The following RIN2 variants were observed in gnomAD, a reference collection of about 807,000 sequenced individuals.
RIN2 encodes RAB5 interacting protein 2.
Under a neutral mutation model 78.0 loss-of-function variants are expected in RIN2, and 36 were observed. The observed-to-expected ratio is 0.46, with a 90% confidence interval of 0.35 to 0.61. RIN2 has a LOEUF of 0.61. Ranked by LOEUF, RIN2 falls within the 20% of genes least tolerant of loss-of-function variation. The pLI, the probability that RIN2 is intolerant of heterozygous loss-of-function variation, is 0.00. For missense variants in RIN2, 1,087 were observed against 1,159.7 expected (o/e 0.94, Z 0.91); for synonymous variants, 466 against 466.8 (o/e 1.00, Z 0.02).
intron 1 of RIN2, among the ~76,000 whole-genome samples, chr20:19,789,453 G>A (rs1467850029): frequency 6.6e-6 from 1 of 152,044 alleles, no homozygotes; most frequent in Non-Finnish European, 1.5e-5. Context: ...CTTGTCTTTT[G>A]TTATGTGACA....
intron 1 of RIN2, among the ~76,000 whole-genome samples, chr20:19,791,320 A>G (rs908838258): frequency 6.6e-6 from 1 of 152,246 alleles, no homozygotes. Flanking sequence ...GAAAATGACT[A>G]AAATACAATT....
intron 6 of RIN2, among the ~76,000 whole-genome samples, chr20:19,962,495 A>C (rs1046836787): frequency 2.6e-5 from 4 of 152,158 alleles, no homozygotes; most frequent in Non-Finnish European, 5.9e-5. Flanking sequence ...CTTGTGGCCG[A>C]AGGTTTTTCC....
In RIN2 at chr20:19,931,853, A is replaced by T. The variant is rs367926673; in HGVS notation, c.58-3246A>T. 2.0e-5 allele frequency among the ~76,000 whole-genome samples: 3 copies of T among 152,210 alleles called. No individual in the cohort carries two copies. In the South Asian group the frequency reaches 6.2e-4, roughly 32 times the overall value. On this transcript the variant is annotated intron_variant, in intron 3 of 12. Transcript: ENST00000255006. ...AATTAATGTATCCATTCTCCTCTTA[A>T]TGAACCCTTAGGTGTTCTCACAAAT...
chr20:19,772,135 C>T (rs1600414480), intron 1 of RIN2, among the ~76,000 whole-genome samples: 1 of 152,224 alleles, frequency 6.6e-6, no homozygotes, highest in East Asian at 1.9e-4. Context: ...TGCTGGGTCA[C>T]CAGTTTCTCA....
chr20:19,883,358 T>C (rs1404954829), intron 2 of RIN2, among the ~76,000 whole-genome samples: 1 of 123,484 alleles, frequency 8.1e-6, no homozygotes, highest in African/African-American at 3.1e-5. Flanking sequence ...TTTTTTTTTT[T>C]AGACCTGGTC....
intron 1 of RIN2, among the ~76,000 whole-genome samples, chr20:19,764,930 T>TTTTTTTTTTTTA (rs2033817351): frequency 7.6e-6 from 1 of 131,944 alleles, no homozygotes; most frequent in Non-Finnish European, 1.6e-5. Flanking sequence ...TTTTTTTTTT[T>TTTTTTTTTTTTA]TTTTTTTTTT....
rs534276528 is a variant in RIN2, at chr20:19,811,491, G to A, written c.-37+11744G>A. On this transcript the variant is annotated intron_variant, in intron 2 of 12. Coordinates refer to ENST00000255006, the MANE Select transcript of RIN2 (RefSeq NM_018993.4). ...TTCAGGAAGAGACTCACGGGTACCTGCAGTGGGAAACCCTTGGCATGGATG... is the reference window on the plus strand; with the variant it reads ...TTCAGGAAGAGACTCACGGGTACCTACAGTGGGAAACCCTTGGCATGGATG... Among the ~76,000 whole-genome samples, 13 of 152,288 alleles carry A rather than the reference G, an allele frequency of 8.5e-5. No homozygotes were observed. In the South Asian group the frequency reaches 2.7e-3, roughly 32 times the overall value.
intron 1 of RIN2, among the ~76,000 whole-genome samples, chr20:19,766,090 T>G (rs913493150): frequency 7.9e-5 from 12 of 152,164 alleles, no homozygotes; most frequent in Admixed American, 5.9e-4. Flanking sequence ...CAGCTCCCTG[T>G]CCTTCCCTCA....
At chr20:19,785,780 A>G (rs1482509826) in intron 1 of RIN2, among the ~76,000 whole-genome samples, 1 of 152,226 alleles carries the variant, frequency 6.6e-6, no homozygotes, top group Non-Finnish European at 1.5e-5. Context: ...CTCCTTGGTA[A>G]TATGTCAAAC....
intron 2 of RIN2, among the ~76,000 whole-genome samples, chr20:19,813,395 A>T (rs1297072787): frequency 6.6e-6 from 1 of 152,236 alleles, no homozygotes; most frequent in African/African-American, 2.4e-5. Context: ...AGTGAGCATC[A>T]ACTATTCATT....
chr20:19,924,169 C>T (rs1259687500), intron 3 of RIN2, among the ~76,000 whole-genome samples: 1 of 89,086 alleles, frequency 1.1e-5, no homozygotes, highest in African/African-American at 5.0e-5. Context: ...ATACCCCCAC[C>T]TTCATACCCA....
At chr20:19,820,233 T>C (rs1343001084) in intron 2 of RIN2, among the ~76,000 whole-genome samples, 1 of 152,202 alleles carries the variant, frequency 6.6e-6, no homozygotes, top group East Asian at 1.9e-4. Flanking sequence ...GCCAATGTTA[T>C]GATTATTTAT....
chr20:19,924,044 T>C, intron 3 of RIN2, among the ~76,000 whole-genome samples: 1 of 57,786 alleles, frequency 1.7e-5, no homozygotes, highest in Non-Finnish European at 3.1e-5. Flanking sequence ...CCCACCTTCC[T>C]TACCCCCACC....
At chr20:19,782,542 C>T (rs867948053) in intron 1 of RIN2, among the ~76,000 whole-genome samples, 22 of 144,620 alleles carry the variant, frequency 1.5e-4, no homozygotes, top group African/African-American at 5.2e-4. Context: ...GGCGACAGAG[C>T]GAGACTCTGT....
At chr20:19,897,472 C>G (rs775255744) in intron 3 of RIN2, among the ~76,000 whole-genome samples, 3 of 152,140 alleles carry the variant, frequency 2.0e-5, no homozygotes, top group Non-Finnish European at 4.4e-5. Context: ...GACTGGACAG[C>G]AAAGGTTTAG....
chr20:19,917,145 C>T (rs1009382685), intron 3 of RIN2, among the ~76,000 whole-genome samples: 7 of 150,050 alleles, frequency 4.7e-5, no homozygotes, highest in Non-Finnish European at 8.9e-5. Context: ...GGGTAAGGTA[C>T]GACTCCAAAT....
chr20:19,873,380 C>G (rs2037751501), intron 2 of RIN2, among the ~76,000 whole-genome samples: 1 of 152,152 alleles, frequency 6.6e-6, no homozygotes, highest in Non-Finnish European at 1.5e-5. Flanking sequence ...CCTGCTTCAG[C>G]CTGCCAATGT....
At chr20:19,913,090 G>A (rs1364165977) in intron 3 of RIN2, among the ~76,000 whole-genome samples, 1 of 152,148 alleles carries the variant, frequency 6.6e-6, no homozygotes, top group Non-Finnish European at 1.5e-5. Context: ...AGATGGGTTC[G>A]TATAGATCAT....
At chr20:19,930,348 G>A (rs2040393885) in intron 3 of RIN2, among the ~76,000 whole-genome samples, 2 of 152,200 alleles carry the variant, frequency 1.3e-5, no homozygotes, top group African/African-American at 4.8e-5. Context: ...TCAGCTTCTT[G>A]TGTGTGGCCA....
Sources: allele counts gnomAD v4.1 joint callset (sites outside exome capture counted in the v4.1 genomes callset), GRCh38; gene constraint gnomAD v4.1.1; transcripts MANE v1.5; gene names NCBI Gene and HGNC (gene_info 2026-07-23, HGNC 2026-07-21).